The following USP48 variants were observed in gnomAD, a reference collection of about 807,000 sequenced individuals.
The protein encoded by USP48 is ubiquitin specific peptidase 48.
USP48 carries 43 observed loss-of-function variants against 150.7 expected under a neutral mutation model. The ratio of observed to expected loss-of-function variants is 0.29; its 90% CI spans 0.22 to 0.37. USP48 has a LOEUF of 0.37. Among genes scored for constraint, USP48 ranks in the 10% least tolerant of loss-of-function variants. The probability of loss-of-function intolerance (pLI) is 1.00; values close to 1 mark genes in which losing one functional copy is unlikely to be tolerated. For synonymous variants in USP48, 396 were observed against 425.9 expected (o/e 0.93, Z 0.86); for missense variants, 813 against 1,249.6 (o/e 0.65, Z 5.27).
At chr1:21,709,597 A>AC (rs933231554) in intron 15 of USP48, among the ~76,000 whole-genome samples, 1 of 151,962 alleles carries the variant, frequency 6.6e-6, no homozygotes, top group Non-Finnish European at 1.5e-5. Context: ...AAAAAAAAAA[A>AC]AGAGAGCTTC....
chr1:21,712,919 C>T (rs2097694197), intron 15 of USP48, among the ~76,000 whole-genome samples: 1 of 151,982 alleles, frequency 6.6e-6, no homozygotes, highest in Admixed American at 6.6e-5. Context: ...TGAGCCACCA[C>T]ACCCAGTCAT....
intron 1 of USP48, among the ~76,000 whole-genome samples, chr1:21,763,650 C>T (rs2097855183): frequency 6.6e-6 from 1 of 152,166 alleles, no homozygotes; most frequent in African/African-American, 2.4e-5. Context: ...CTCGTCTCTA[C>T]TAAAAATACA....
intron 14 of USP48, among the ~76,000 whole-genome samples, chr1:21,718,525 T>TA (rs1042785922): frequency 1.2e-4 from 18 of 151,520 alleles, no homozygotes; most frequent in African/African-American, 3.4e-4. Context: ...CCAATTTTAC[T>TA]AAAAATGAAG....
At chr1:21,733,632 G>A (rs1433791230) in intron 9 of USP48, among the ~76,000 whole-genome samples, 2 of 152,104 alleles carry the variant, frequency 1.3e-5, no homozygotes, top group Non-Finnish European at 2.9e-5. Context: ...ACCAATGGGT[G>A]TTAAGTATTT....
intron 17 of USP48, 124 bp downstream of exon 17, chr1:21,706,343 G>C: frequency 6.6e-7 from 1 of 1,517,734 alleles, no homozygotes; most frequent in Non-Finnish European, 8.9e-7. Context: ...TAAATCCCCT[G>C]GTTAGATAAC....
chr1:21,766,360 A>C (rs75279414), intron 1 of USP48, among the ~76,000 whole-genome samples: 1 of 151,110 alleles, frequency 6.6e-6, no homozygotes, highest in Non-Finnish European at 1.5e-5. Flanking sequence ...GACACAGCAC[A>C]AAAAAAAACA....
At chr1:21,729,897 G>A in intron 9 of USP48, 65 bp from the exon 10 acceptor site, 1 of 1,596,680 alleles carries the variant, frequency 6.3e-7, no homozygotes, top group East Asian at 2.2e-5. Context: ...TCTTTAGCGG[G>A]GCTATAGAAA....
At chr1:21,716,183 C>T (rs1305079376) in intron 14 of USP48, among the ~76,000 whole-genome samples, 1 of 152,128 alleles carries the variant, frequency 6.6e-6, no homozygotes. Context: ...AAATCAAGAA[C>T]TTACTTCCAC....
chr1:21,774,868 G>A (rs955930347), intron 1 of USP48, among the ~76,000 whole-genome samples: 5 of 151,756 alleles, frequency 3.3e-5, no homozygotes, highest in African/African-American at 4.8e-5. Context: ...GCCCATGCCT[G>A]TTGTCCCAGC....
At chr1:21,717,332 A>T (rs1390745435) in intron 14 of USP48, among the ~76,000 whole-genome samples, 1 of 152,062 alleles carries the variant, frequency 6.6e-6, no homozygotes, top group Non-Finnish European at 1.5e-5. Flanking sequence ...TGAGCCCATG[A>T]GGTGGAGGCT....
intron 6 of USP48, 116 bp downstream of exon 6, chr1:21,751,391 T>C (rs2097813085): frequency 4.0e-6 from 3 of 755,998 alleles, no homozygotes; most frequent in Non-Finnish European, 4.5e-6. Flanking sequence ...ATGCTTCTTA[T>C]GTAGAAAAAG....
At chr1:21,734,398 C>CA (rs1253887057) in intron 9 of USP48, among the ~76,000 whole-genome samples, 1 of 151,364 alleles carries the variant, frequency 6.6e-6, no homozygotes, top group Non-Finnish European at 1.5e-5. Flanking sequence ...GACTCTGTCT[C>CA]AAAAAAATAT....
chr1:21,746,300 G>C (rs957082013), intron 8 of USP48, among the ~76,000 whole-genome samples: 3 of 152,172 alleles, frequency 2.0e-5, no homozygotes, highest in African/African-American at 7.2e-5. Flanking sequence ...AGGAGTTTGA[G>C]ACCAGCTTGG....
intron 1 of USP48, among the ~76,000 whole-genome samples, chr1:21,761,884 C>T (rs531235925): frequency 1.3e-5 from 2 of 152,168 alleles, no homozygotes; most frequent in Non-Finnish European, 2.9e-5. Context: ...AAAGTAGAAC[C>T]CATCCACTGT....
intron 1 of USP48, among the ~76,000 whole-genome samples, chr1:21,778,101 T>C (rs1180112814): frequency 1.3e-5 from 2 of 149,056 alleles, no homozygotes; most frequent in African/African-American, 5.0e-5. Context: ...CGAGATGGCA[T>C]CACTGCACTC....
At chr1:21,718,348 T>C (rs2097710414) in intron 14 of USP48, among the ~76,000 whole-genome samples, 1 of 152,234 alleles carries the variant, frequency 6.6e-6, no homozygotes, top group African/African-American at 2.4e-5. Flanking sequence ...TTTACAGTGA[T>C]TGTATCTGGT....
chr1:21,750,377 C>T (rs1249192401), intron 6 of USP48, among the ~76,000 whole-genome samples: 13 of 152,072 alleles, frequency 8.5e-5, no homozygotes, highest in African/African-American at 4.8e-5. Flanking sequence ...CAAACTCCAC[C>T]GACTCCAGCC....
intron 11 of USP48, among the ~76,000 whole-genome samples, chr1:21,725,764 A>AC (rs2097735389): frequency 6.6e-6 from 1 of 151,778 alleles, no homozygotes; most frequent in Non-Finnish European, 1.5e-5. Flanking sequence ...AAAAAAAAAA[A>AC]AGAGGAGACT....
intron 23 of USP48, among the ~76,000 whole-genome samples, chr1:21,694,572 C>CAAAAAAAAAAAAAAAAAAA (rs1204062748): frequency 5.0e-4 from 6 of 12,022 alleles, no homozygotes; most frequent in African/African-American, 2.3e-3. Flanking sequence ...TCTGTCTCAC[C>CAAAAAAAAAAAAAAAAAAA]AAAAAAAAAA....
Sources: gnomAD v4.1 joint callset for allele counts (sites outside exome capture counted in the v4.1 genomes callset) on GRCh38, gnomAD v4.1.1 for gene constraint, MANE v1.5 for transcripts, NCBI Gene and HGNC (gene_info 2026-07-23, HGNC 2026-07-21) for gene names.